The following PRKN variants were observed in gnomAD, a reference collection of about 807,000 sequenced individuals.
PRKN encodes parkin RBR E3 ubiquitin protein ligase.
A neutral mutation model predicts 59.5 loss-of-function variants in PRKN; 56 were observed. That is an observed-to-expected ratio of 0.94 (90% CI 0.76 to 1.18). PRKN has a LOEUF of 1.18. PRKN is among the 50% of genes most tolerant of loss of function. PRKN has a pLI of 0.00. For synonymous variants in PRKN, 250 were observed against 222.1 expected, an observed-to-expected ratio of 1.13 and a Z score of -1.12; for missense variants, 657 against 596.4, an observed-to-expected ratio of 1.10 and a Z score of -1.06.
At chr6:161,970,405 A>ATG (rs903416997) in intron 6 of PRKN, among the ~76,000 whole-genome samples, 2 of 150,216 alleles carry the variant, frequency 1.3e-5, no homozygotes, top group Non-Finnish European at 3.0e-5. Context: ...GAAACTATAT[A>ATG]TATATATATA....
At chr6:162,024,924 C>CT (rs1345720128) in intron 5 of PRKN, among the ~76,000 whole-genome samples, 5 of 147,604 alleles carry the variant, frequency 3.4e-5, no homozygotes, top group Non-Finnish European at 5.9e-5. Flanking sequence ...CCAAATAAGT[C>CT]TTTTTTTATA....
chr6:162,702,208 TG>T (rs1778183079), intron 1 of PRKN, among the ~76,000 whole-genome samples: 1 of 152,176 alleles, frequency 6.6e-6, no homozygotes, highest in Non-Finnish European at 1.5e-5. Context: ...ATTGCAAACT[TG>T]GCAGGATGTT....
chr6:162,105,196 C>A (rs1780140372), intron 4 of PRKN, among the ~76,000 whole-genome samples: 1 of 152,112 alleles, frequency 6.6e-6, no homozygotes, highest in African/African-American at 2.4e-5. Flanking sequence ...AGAAATATAA[C>A]ACCTGAAACC....
intron 7 of PRKN, among the ~76,000 whole-genome samples, chr6:161,669,951 G>A: frequency 6.6e-6 from 1 of 152,242 alleles, no homozygotes; most frequent in East Asian, 1.9e-4. Flanking sequence ...TGCAGAACGG[G>A]CCCTGAGAAA....
intron 5 of PRKN, among the ~76,000 whole-genome samples, chr6:162,017,984 T>A (rs111601583): frequency 2.6e-5 from 4 of 152,146 alleles, no homozygotes; most frequent in African/African-American, 9.7e-5. Flanking sequence ...GCGGGAAAGA[T>A]CTGGAACAGA....
At chr6:162,241,946 C>T (rs1779006422) in intron 3 of PRKN, among the ~76,000 whole-genome samples, 2 of 151,912 alleles carry the variant, frequency 1.3e-5, no homozygotes, top group African/African-American at 2.4e-5. Flanking sequence ...CCACCCCCAA[C>T]AAGCACCTAT....
chr6:161,505,216 T>A (rs1371120650), intron 9 of PRKN, among the ~76,000 whole-genome samples: 1 of 152,234 alleles, frequency 6.6e-6, no homozygotes, highest in Non-Finnish European at 1.5e-5. Flanking sequence ...TGATCGCCAT[T>A]CTAACTGGTG....
At chr6:161,990,547 A>G (rs1439413574) in intron 5 of PRKN, among the ~76,000 whole-genome samples, 1 of 152,230 alleles carries the variant, frequency 6.6e-6, no homozygotes, top group Non-Finnish European at 1.5e-5. Context: ...CTAAACAAAG[A>G]GAAAGATATT....
chr6:161,825,709 G>A (rs1583212504), intron 6 of PRKN, among the ~76,000 whole-genome samples: 1 of 152,120 alleles, frequency 6.6e-6, no homozygotes, highest in East Asian at 1.9e-4. Flanking sequence ...GGAAATGCGA[G>A]GGTGTCTGCT....
At position 161,353,719 on chromosome 6, in the gene PRKN, G is replaced by A. The variant is rs1784649022; in HGVS notation, c.1286-3508C>T. 6.6e-6 allele frequency among the ~76,000 whole-genome samples: 1 copy of A among 152,198 alleles called. No individual in the cohort carries two copies. ...TAACAGAACCCAAAGAGGGAGTCAT[G>A]GGAATCTCAACTTGAAGCCAGTCGA... On this transcript the variant is annotated intron_variant, in intron 11 of 11. Coordinates refer to ENST00000366898, the MANE Select transcript of PRKN (RefSeq NM_004562.3). This position sits in a 1 kb window ranked among gnomAD's most constrained non-coding sequence, Gnocchi z 4.8.
intron 9 of PRKN, among the ~76,000 whole-genome samples, chr6:161,465,087 A>G (rs1428267373): frequency 2.0e-5 from 3 of 152,216 alleles, no homozygotes; most frequent in Non-Finnish European, 4.4e-5. Context: ...AGCTTGGAGT[A>G]TGCAAAAAGT....
At position 161,546,940 on chromosome 6, in the gene PRKN, T is replaced by C. The variant is rs989861378; in HGVS notation, c.1083+1914A>G. Among the ~76,000 whole-genome samples the C allele has an allele frequency of 1.3e-5, 2 of 152,112 alleles. No homozygotes were observed. The highest frequency in any genetic ancestry group is 3.9e-4 in the East Asian group (2 of 5,188). ...TGAGGACTTTTTTTGCCAACAGTCA[T>C]GTGAATGAGCTACCTTGGAAGTAGA... On this transcript the variant is annotated intron_variant, in intron 9 of 11. Transcript: ENST00000366898. The surrounding 1 kb of genome is among the most constrained non-coding windows in gnomAD (Gnocchi z 4.4).
At chr6:162,637,259 A>G (rs1290422141) in intron 1 of PRKN, among the ~76,000 whole-genome samples, 1 of 96,206 alleles carries the variant, frequency 1.0e-5, no homozygotes, top group South Asian at 3.9e-4. Context: ...TCCGTCTGCC[A>G]CCTCCTCCCA....
chr6:162,176,270 T>G (rs1783529123), intron 4 of PRKN, among the ~76,000 whole-genome samples: 1 of 152,174 alleles, frequency 6.6e-6, no homozygotes, highest in Non-Finnish European at 1.5e-5. Context: ...TGGTTGAGGC[T>G]AGGCTAGTGT....
At position 161,385,829 on chromosome 6, in the gene PRKN, A is replaced by G. The variant is rs1786215975; in HGVS notation, c.1167+965T>C. Among the ~76,000 whole-genome samples, 4 of 152,244 alleles carry G rather than the reference A, an allele frequency of 2.6e-5. No individual in the cohort carries two copies. Among genetic ancestry groups the G allele is most frequent in the Admixed American group, 2.6e-4 (4 of 15,290 alleles). Reference sequence around the variant, plus strand: ...AGAAAGAGCATTTGCTGCCTGGGCTATGGAAATGGCAACTCAGTCCTAAAT... The same window carrying G: ...AGAAAGAGCATTTGCTGCCTGGGCTGTGGAAATGGCAACTCAGTCCTAAAT... On this transcript the variant is annotated intron_variant, in intron 10 of 11. Coordinates refer to ENST00000366898, the MANE Select transcript of PRKN (RefSeq NM_004562.3). The surrounding 1 kb of genome is among the most constrained non-coding windows in gnomAD (Gnocchi z 4.9).
intron 7 of PRKN, among the ~76,000 whole-genome samples, chr6:161,630,167 T>G (rs181535826): frequency 3.3e-5 from 5 of 152,288 alleles, no homozygotes; most frequent in Non-Finnish European, 7.3e-5. Flanking sequence ...CACTCTTCCT[T>G]GGGAAACTCA....
At position 161,662,509 on chromosome 6, in the gene PRKN, C is replaced by A. The variant is rs537139128; in HGVS notation, c.872-93093G>T. Among the ~76,000 whole-genome samples the A allele has an allele frequency of 2.0e-5, 3 of 152,156 alleles. No homozygotes were observed. In the East Asian group the frequency reaches 5.8e-4, roughly 29 times the overall value. On this transcript the variant is annotated intron_variant, in intron 7 of 11. Transcript: ENST00000366898. Reference sequence around the variant, plus strand: ...TGCAGCAGCCTCCAGGGAGTTAAATCCTAGCCCTGCCACTGGACTTCTGAC... The same window carrying A: ...TGCAGCAGCCTCCAGGGAGTTAAATACTAGCCCTGCCACTGGACTTCTGAC...
intron 6 of PRKN, among the ~76,000 whole-genome samples, chr6:161,955,709 G>A (rs189877282): frequency 5.8e-4 from 89 of 152,260 alleles, no homozygotes; most frequent in Admixed American, 1.8e-3. Flanking sequence ...AATTAGCCAG[G>A]CATGGTGGCG....
In PRKN at chr6:161,593,740, T is replaced by C. The variant is rs909206185; in HGVS notation, c.872-24324A>G. Among the ~76,000 whole-genome samples the C allele has an allele frequency of 6.6e-5, 10 of 152,274 alleles. No homozygotes were observed. Among genetic ancestry groups the C allele is most frequent in the African/African-American group, 2.4e-4 (10 of 41,546 alleles). ...GAGGAGTTCTGCTTCGGATGCCACA[T>C]TGGCAAAGCTTATAAATTATCCAGT... is the stretch of plus-strand genomic sequence containing the variant. On this transcript the variant is annotated intron_variant, in intron 7 of 11. Transcript: ENST00000366898. The surrounding 1 kb of genome is among the most constrained non-coding windows in gnomAD (Gnocchi z 4.8).
Sources: gnomAD v4.1 joint callset for allele counts (sites outside exome capture counted in the v4.1 genomes callset) on GRCh38, gnomAD v4.1.1 for gene constraint, Gnocchi (gnomAD v3.1) non-coding constraint, MANE v1.5 for transcripts, NCBI Gene and HGNC (gene_info 2026-07-23, HGNC 2026-07-21) for gene names.